Variants in SF3B2 observed in about 807,000 individuals in gnomAD.
The protein encoded by SF3B2 is splicing factor 3b subunit 2.
A neutral mutation model predicts 116.3 loss-of-function variants in SF3B2; 22 were observed. The ratio of observed to expected loss-of-function variants is 0.19; its 90% CI spans 0.14 to 0.27. The LOEUF is 0.27. Ranked by LOEUF, SF3B2 falls within the 10% of genes least tolerant of loss-of-function variation. The pLI, the probability that SF3B2 is intolerant of heterozygous loss-of-function variation, is 1.00. For synonymous variants in SF3B2, 406 were observed against 421.6 expected, an observed-to-expected ratio of 0.96 and a Z score of 0.45; for missense variants, 767 against 1,151.4, an observed-to-expected ratio of 0.67 and a Z score of 4.83.
chr11:66,060,769 G>C, intron 14 of SF3B2, 38 bp downstream of exon 14: 1 of 1,607,112 alleles, frequency 6.2e-7, no homozygotes, highest in Non-Finnish European at 8.5e-7. Flanking sequence ...GCTGGGCCTT[G>C]GGGTTGAGAC....
In SF3B2 at chr11:66,068,812, T is replaced by C; in HGVS notation, c.*67T>C. The C allele has an allele frequency of 1.7e-6, 2 of 1,206,038 alleles. No homozygotes were observed. The highest frequency in any genetic ancestry group is 1.2e-5 in the South Asian group (1 of 81,314). 74.7% of individuals were successfully genotyped at this position (1,206,038 alleles called of 1,614,324 possible). On this transcript the variant is annotated 3_prime_UTR_variant, in exon 22 of 22. Transcript: ENST00000322535. ...GCCTGGGCTTCACACAAGAACCACC[T>C]CTCCCGCAGTTCCCAAGGACTTGTC...
At chr11:66,060,442 G>T (rs1857081979) in intron 13 of SF3B2, 140 bp from the exon 14 acceptor site, 3 of 990,042 alleles carry the variant, frequency 3.0e-6, no homozygotes, top group East Asian at 2.6e-5. Flanking sequence ...ATTTTGAAAG[G>T]TTTTAGCAGG....
At chr11:66,067,388 T>C (rs1011532776) in intron 19 of SF3B2, 1 of 456,168 alleles carries the variant, frequency 2.2e-6, no homozygotes, top group Non-Finnish European at 4.4e-6. Context: ...CTCTGGCTCC[T>C]GTGTGGACAA....
intron 19 of SF3B2, among the ~76,000 whole-genome samples, chr11:66,064,167 T>G (rs2135054724): frequency 6.6e-6 from 1 of 152,362 alleles, no homozygotes; most frequent in South Asian, 2.1e-4. Flanking sequence ...TGTTAGGTCT[T>G]CATGAATTGA....
intron 6 of SF3B2, 21 bp downstream of exon 6, chr11:66,056,976 G>C: frequency 6.6e-7 from 1 of 1,509,128 alleles, no homozygotes; most frequent in South Asian, 1.1e-5. Context: ...GGAACCGAGG[G>C]GAAGGGCAAG....
At position 66,068,317 on chromosome 11, in the gene SF3B2, A is replaced by ACGCTGCCAAACAGAAGGTAGG; in HGVS notation, c.2605_2616+9dup. 3.7e-6 allele frequency: 6 copies of ACGCTGCCAAACAGAAGGTAGG among 1,612,502 alleles called. No individual in the cohort carries two copies. Among genetic ancestry groups the ACGCTGCCAAACAGAAGGTAGG allele is most frequent in the Non-Finnish European group, 4.2e-6 (5 of 1,179,580 alleles). Reference sequence around the variant, plus strand: ...GACTTCAGTGACATGGTGGCTGAGCACGCTGCCAAACAGAAGGTAGGCGCT... The same window carrying ACGCTGCCAAACAGAAGGTAGG: ...GACTTCAGTGACATGGTGGCTGAGCACGCTGCCAAACAGAAGGTAGGCGCTGCCAAACAGAAGGTAGGCGCT... On this transcript the variant is annotated inframe_insertion, in exon 21 of 22. Transcript: ENST00000322535.
chr11:66,054,847 T>A (rs748633811), intron 3 of SF3B2, among the ~76,000 whole-genome samples: 3 of 152,208 alleles, frequency 2.0e-5, no homozygotes, highest in Non-Finnish European at 4.4e-5. Context: ...GTATGCAGAA[T>A]CTATATTCAG....
At chr11:66,054,797 C>T (rs1247318206) in intron 3 of SF3B2, among the ~76,000 whole-genome samples, 4 of 152,100 alleles carry the variant, frequency 2.6e-5, no homozygotes, top group African/African-American at 9.7e-5. Context: ...ATGAGGAGTC[C>T]CTAGATGGCC....
At chr11:66,063,750 TGA>T in intron 19 of SF3B2, 21 bp downstream of exon 19, 2 of 1,566,380 alleles carry the variant, frequency 1.3e-6, no homozygotes, top group South Asian at 2.3e-5. Flanking sequence ...CAGACAGGGC[TGA>T]GAGGGGAGGA....
chr11:66,057,515 A>G, intron 7 of SF3B2, 140 bp downstream of exon 7: 1 of 628,470 alleles, frequency 1.6e-6, no homozygotes, highest in Non-Finnish European at 2.9e-6. Flanking sequence ...TCTTATTTAA[A>G]CTAAGGGTAT....
rs1857062973 is a variant in SF3B2 at position 66,059,424 on chromosome 11, TA to T, written c.1320+87del. 1.9e-6 allele frequency: 3 copies of T among 1,609,890 alleles called. No individual in the cohort carries two copies. In the African/African-American group the frequency reaches 4.0e-5, roughly 22 times the overall value. On this transcript the variant is annotated intron_variant, in intron 11 of 21. Transcript: ENST00000322535. This position sits in a 1 kb window ranked among gnomAD's most constrained non-coding sequence, Gnocchi z 5.0. ...CCAGAGAGGGACCATGGTGAACTCT[TA>T]CAGAGCTTTGGTGGCTTAAGGTTGG...
intron 14 of SF3B2, among the ~76,000 whole-genome samples, chr11:66,061,057 A>C (rs549519996): frequency 1.3e-5 from 2 of 152,124 alleles, no homozygotes; most frequent in Middle Eastern, 3.2e-3. Context: ...CAGCCTCCCA[A>C]AGTGCTGGGT....
chr11:66,060,054 C>T, intron 13 of SF3B2, 45 bp downstream of exon 13: 1 of 1,550,236 alleles, frequency 6.5e-7, no homozygotes, highest in South Asian at 1.1e-5. Flanking sequence ...GTGTCCCCAT[C>T]CTTCATAGCA....
chr11:66,055,616 G>A (rs774984803), intron 5 of SF3B2, 31 bp downstream of exon 5: 12 of 1,609,110 alleles, frequency 7.5e-6, no homozygotes, highest in African/African-American at 2.7e-5. Context: ...CTTTGACCTC[G>A]TGGTCCAGTC....
intron 19 of SF3B2, chr11:66,064,930 C>T (rs1857155694): frequency 6.6e-6 from 1 of 152,020 alleles, no homozygotes; most frequent in African/African-American, 2.4e-5. Context: ...AGATCTTTGC[C>T]AGGTTTAGGA....
intron 2 of SF3B2, 146 bp from the exon 3 acceptor site, chr11:66,052,881 C>T (rs972780403): frequency 5.0e-6 from 6 of 1,202,604 alleles, no homozygotes; most frequent in Admixed American, 2.0e-5. Flanking sequence ...GTTGTAATTT[C>T]TTGTATCCAT....
At chr11:66,057,090 C>A in intron 6 of SF3B2, 135 bp downstream of exon 6, 2 of 834,854 alleles carry the variant, frequency 2.4e-6, no homozygotes. Flanking sequence ...ACACACTGAA[C>A]ACACCTGTAC....
chr11:66,068,393 C>T, intron 21 of SF3B2, 60 bp downstream of exon 21: 1 of 1,501,938 alleles, frequency 6.7e-7, no homozygotes, highest in Non-Finnish European at 9.0e-7. Context: ...CTGCCGTTTT[C>T]AGTGGCATGG....
At chr11:66,065,006 A>T (rs1438391261) in intron 19 of SF3B2, 1 of 151,088 alleles carries the variant, frequency 6.6e-6, no homozygotes, top group African/African-American at 2.4e-5. Flanking sequence ...GAATCTTGCT[A>T]TGTCGCCCAG....
Sources: gnomAD v4.1 joint callset for allele counts (sites outside exome capture counted in the v4.1 genomes callset) on GRCh38, gnomAD v4.1.1 for gene constraint, Gnocchi (gnomAD v3.1) non-coding constraint, MANE v1.5 for transcripts, NCBI Gene and HGNC (gene_info 2026-07-23, HGNC 2026-07-21) for gene names.